Variants in GALNTL6 observed in about 807,000 individuals in gnomAD.
The protein encoded by GALNTL6 is polypeptide N-acetylgalactosaminyltransferase like 6.
GALNTL6 carries 46 observed loss-of-function variants against 73.7 expected under a neutral mutation model. The ratio of observed to expected loss-of-function variants is 0.62; its 90% CI spans 0.49 to 0.80. The LOEUF is 0.80. GALNTL6 is among the 30% of genes least tolerant of loss of function. GALNTL6 has a pLI of 0.00. For synonymous variants in GALNTL6, 259 were observed against 263.7 expected, an observed-to-expected ratio of 0.98 and a Z score of 0.17; for missense variants, 604 against 755.0, an observed-to-expected ratio of 0.80 and a Z score of 2.34.
At chr4:173,013,877 T>C (rs1348531078) in intron 11 of GALNTL6, among the ~76,000 whole-genome samples, 1 of 152,196 alleles carries the variant, frequency 6.6e-6, no homozygotes, top group East Asian at 1.9e-4. Context: ...ATTCAATATA[T>C]CACTCAGTGA....
intron 3 of GALNTL6, among the ~76,000 whole-genome samples, chr4:172,276,892 T>G (rs1408779971): frequency 6.6e-6 from 1 of 152,182 alleles, no homozygotes; most frequent in Non-Finnish European, 1.5e-5. Context: ...CATGCCATTT[T>G]ATTAATTTAA....
In GALNTL6 at chr4:172,882,907, G is replaced by C. The variant is rs1389693287; in HGVS notation, c.1041G>C (p.Lys347Asn). 6.6e-7 allele frequency: 1 copy of C among 1,509,644 alleles called. No homozygotes were observed. Among genetic ancestry groups the C allele is most frequent in the Non-Finnish European group, 9.2e-7 (1 of 1,085,882 alleles). The allele number at this position is 1,509,644 out of a possible 1,614,324, so 93.5% of individuals were successfully genotyped here. A position where few individuals can be genotyped will look rare whatever the true frequency, so the allele number is the denominator to read the frequency against. Residue 347 changes from lysine to asparagine, a missense_variant and splice_region_variant, in exon 8 of 13, where the codon AAG becomes AAC. Lys to Asn is a moderately conservative substitution (Grantham distance 94, BLOSUM62 0). This residue lies in a region of GALNTL6 where 14 missense variants were observed against 40.8 expected (regional missense o/e 0.34). Coordinates refer to ENST00000506823, the MANE Select transcript of GALNTL6 (RefSeq NM_001034845.3). ...WGGEQYEISF[K>N]VWMCGGEMFD... ...GAGAACAGTATGAAATCTCTTTTAA[G>C]GTAAGCCCCAAGACCCTCTTCACAC... is the stretch of plus-strand genomic sequence containing the variant.
chr4:172,744,208 T>G (rs776618895), intron 5 of GALNTL6, among the ~76,000 whole-genome samples: 1 of 152,146 alleles, frequency 6.6e-6, no homozygotes, highest in Non-Finnish European at 1.5e-5. Flanking sequence ...ACCATCTGAC[T>G]TCTGTAAGCA....
chr4:172,264,000 G>A (rs894844049), intron 3 of GALNTL6, among the ~76,000 whole-genome samples: 11 of 151,618 alleles, frequency 7.3e-5, no homozygotes, highest in Admixed American at 2.0e-4. Flanking sequence ...TGTTTCTATA[G>A]AGATCTCCAG....
At chr4:171,842,671 A>G (rs1158765917) in intron 2 of GALNTL6, among the ~76,000 whole-genome samples, 1 of 152,030 alleles carries the variant, frequency 6.6e-6, no homozygotes, top group Non-Finnish European at 1.5e-5. Flanking sequence ...ACTCTTAAAC[A>G]ACCAGATCCC....
At chr4:172,159,114 A>G (rs1266494713) in intron 2 of GALNTL6, among the ~76,000 whole-genome samples, 1 of 152,182 alleles carries the variant, frequency 6.6e-6, no homozygotes, top group African/African-American at 2.4e-5. Flanking sequence ...AACTTTGTGG[A>G]AGCTAGATTA....
At chr4:171,970,239 T>C (rs1739526933) in intron 2 of GALNTL6, among the ~76,000 whole-genome samples, 1 of 152,208 alleles carries the variant, frequency 6.6e-6, no homozygotes, top group South Asian at 2.1e-4. Flanking sequence ...GAGAGTCCTA[T>C]GAACTGGAGA....
At chr4:172,161,792 A>G (rs1013559248) in intron 2 of GALNTL6, among the ~76,000 whole-genome samples, 1 of 152,086 alleles carries the variant, frequency 6.6e-6, no homozygotes, top group African/African-American at 2.4e-5. Flanking sequence ...AGTTGGAAGG[A>G]TACCAGAATA....
At chr4:171,996,741 A>G (rs1579044577) in intron 2 of GALNTL6, among the ~76,000 whole-genome samples, 2 of 151,314 alleles carry the variant, frequency 1.3e-5, no homozygotes, top group South Asian at 2.1e-4. Flanking sequence ...AAAAAAAAAA[A>G]AACTCACAGT....
intron 5 of GALNTL6, among the ~76,000 whole-genome samples, chr4:172,589,034 C>T (rs1737536699): frequency 6.6e-6 from 1 of 152,160 alleles, no homozygotes; most frequent in South Asian, 2.1e-4. Context: ...TATATCTAGA[C>T]ATTTGGCTAT....
At chr4:172,714,526 A>G (rs995265471) in intron 5 of GALNTL6, among the ~76,000 whole-genome samples, 1 of 152,188 alleles carries the variant, frequency 6.6e-6, no homozygotes, top group African/African-American at 2.4e-5. Flanking sequence ...CATGTATTGC[A>G]CTCTAAGAAA....
At chr4:171,946,558 T>C (rs942254917) in intron 2 of GALNTL6, among the ~76,000 whole-genome samples, 1 of 152,190 alleles carries the variant, frequency 6.6e-6, no homozygotes, top group African/African-American at 2.4e-5. Context: ...GTAAGCCTCA[T>C]CGAGCTCGTC....
rs187967581 is a variant in GALNTL6 at position 171,909,342 on chromosome 4, C to G, written c.138+94624C>G. The stretch of plus-strand genomic sequence containing the variant: ...TATATTATTTAAGCCATAGATGATC[C>G]AGGGTTATAAAAGAGAGAAACTCAG... On this transcript the variant is annotated intron_variant, in intron 2 of 12. Coordinates refer to ENST00000506823, the MANE Select transcript of GALNTL6 (RefSeq NM_001034845.3). Among the ~76,000 whole-genome samples the G allele has an allele frequency of 5.8e-3, 875 of 151,870 alleles. 10 individuals carry two copies. The highest frequency in any genetic ancestry group is 0.02 in the African/African-American group (818 of 41,424).
chr4:172,557,338 T>G (rs915753414), intron 5 of GALNTL6, among the ~76,000 whole-genome samples: 1 of 152,098 alleles, frequency 6.6e-6, no homozygotes, highest in Admixed American at 6.6e-5. Flanking sequence ...GGCTGGCAAA[T>G]GTATCTCTTA....
At chr4:172,647,266 T>C (rs1462087828) in intron 5 of GALNTL6, among the ~76,000 whole-genome samples, 2 of 152,096 alleles carry the variant, frequency 1.3e-5, no homozygotes, top group Admixed American at 1.3e-4. Flanking sequence ...AAGCAAACTT[T>C]AGAAATTATA....
intron 6 of GALNTL6, among the ~76,000 whole-genome samples, chr4:172,811,134 G>GA (rs1377134790): frequency 6.6e-6 from 1 of 152,078 alleles, no homozygotes. Context: ...CATCCAAAGT[G>GA]AAAAAACAGG....
intron 4 of GALNTL6, among the ~76,000 whole-genome samples, chr4:172,326,732 ATTAT>A (rs1194363442): frequency 3.3e-5 from 5 of 151,778 alleles, no homozygotes; most frequent in Non-Finnish European, 7.4e-5. Flanking sequence ...CTCTATTTGT[ATTAT>A]TTAGTCTACT....
intron 8 of GALNTL6, among the ~76,000 whole-genome samples, chr4:172,899,279 A>G (rs1746495469): frequency 1.3e-5 from 2 of 152,332 alleles, no homozygotes; most frequent in Admixed American, 1.3e-4. Context: ...AGAGAAACTC[A>G]GGAAGCATAA....
rs569197450 is a variant in GALNTL6, at chr4:172,622,859, T to C, written c.554-186502T>C. Among the ~76,000 whole-genome samples the C allele has an allele frequency of 1.7e-4, 26 of 152,238 alleles. 1 individual carries two copies. The East Asian group carries it at 4.8e-3, about 28-fold the overall frequency. On this transcript the variant is annotated intron_variant, in intron 5 of 12. Transcript: ENST00000506823. ...TTTGATGATGAGGAGATGTGAATAA[T>C]TGACAAAGCGTTTAAGGTTGAACAG...
Sources: allele counts gnomAD v4.1 joint callset (sites outside exome capture counted in the v4.1 genomes callset), GRCh38; gene constraint gnomAD v4.1.1; regional missense constraint gnomAD v4.1.1; transcripts MANE v1.5; gene names NCBI Gene and HGNC (gene_info 2026-07-23, HGNC 2026-07-21).